The following TMEM266 variants were observed in gnomAD, a reference collection of about 807,000 sequenced individuals.
TMEM266 encodes the protein transmembrane protein 266.
A neutral mutation model predicts 50.5 loss-of-function variants in TMEM266; 33 were observed. That is an observed-to-expected ratio of 0.65 (90% confidence interval 0.50 to 0.87). The LOEUF is 0.87. Among genes scored for constraint, TMEM266 ranks in the 40% least tolerant of loss-of-function variants. The pLI is 0.00. For synonymous variants in TMEM266, 310 were observed against 292.3 expected, an observed-to-expected ratio of 1.06 and a Z score of -0.62; for missense variants, 655 against 695.1, an observed-to-expected ratio of 0.94 and a Z score of 0.65.
At position 76,183,097 on chromosome 15, in the gene TMEM266, T is replaced by C. The variant is rs543354875; in HGVS notation, c.768+7423T>C. Reference sequence around the variant, plus strand: ...CTCAGGCCTCCAGGCTGCTTCCATTTTGTGGCTTTTTTTTTTTTTTTTTTT... The same window carrying C: ...CTCAGGCCTCCAGGCTGCTTCCATTCTGTGGCTTTTTTTTTTTTTTTTTTT... On this transcript the variant is annotated intron_variant, in intron 8 of 10. Transcript: ENST00000388942. Among the ~76,000 whole-genome samples the C allele has an allele frequency of 9.4e-3, 1,304 of 138,252 alleles. 24 individuals carry two copies. Among genetic ancestry groups the C allele is most frequent in the African/African-American group, 0.033 (1,262 of 38,430 alleles). 90.7% of individuals were successfully genotyped at this position (138,252 alleles called of 152,430 possible).
chr15:76,129,892 G>C (rs777327561), intron 1 of TMEM266, among the ~76,000 whole-genome samples: 24 of 151,970 alleles, frequency 1.6e-4, no homozygotes, highest in Non-Finnish European at 3.1e-4. Flanking sequence ...CAGGACAAAT[G>C]GGGGAAATGT....
chr15:76,193,997 C>A (rs2038619525), intron 9 of TMEM266, among the ~76,000 whole-genome samples: 1 of 152,200 alleles, frequency 6.6e-6, no homozygotes, highest in African/African-American at 2.4e-5. Context: ...AAGCCCAGGG[C>A]AGAATGTTGA....
chr15:76,091,656 A>G (rs1056272393), intron 1 of TMEM266, among the ~76,000 whole-genome samples: 1 of 151,940 alleles, frequency 6.6e-6, no homozygotes, highest in Admixed American at 6.6e-5. Context: ...TCTACTTTCT[A>G]TAAGAAGTAG....
chr15:76,071,118 G>T (rs1221930209), intron 1 of TMEM266, among the ~76,000 whole-genome samples: 6 of 152,184 alleles, frequency 3.9e-5, no homozygotes, highest in Non-Finnish European at 2.9e-5. Context: ...TTCTGCAGAA[G>T]TTCCTGGGTA....
intron 9 of TMEM266, among the ~76,000 whole-genome samples, chr15:76,197,938 G>A (rs746596101): frequency 5.3e-5 from 8 of 152,242 alleles, no homozygotes; most frequent in East Asian, 1.9e-4. Context: ...CATTGGCACC[G>A]CTGCACTTGA....
At chr15:76,148,722 C>A (rs1301444339) in intron 3 of TMEM266, among the ~76,000 whole-genome samples, 2 of 19,882 alleles carry the variant, frequency 1.0e-4, no homozygotes, top group African/African-American at 4.2e-4. Context: ...TTTGTCCACC[C>A]CTTCACCCCC....
chr15:76,085,688 C>T (rs2036766476), intron 1 of TMEM266, among the ~76,000 whole-genome samples: 1 of 152,194 alleles, frequency 6.6e-6, no homozygotes. Context: ...CATACACCTA[C>T]CTGGCAGTTC....
chr15:76,098,821 G>T (rs1482080078), intron 1 of TMEM266, among the ~76,000 whole-genome samples: 6 of 150,396 alleles, frequency 4.0e-5, no homozygotes, highest in Non-Finnish European at 9.0e-5. Context: ...CAGCCTTGCT[G>T]AGCTGCAGTG....
chr15:76,121,277 T>C (rs962606079), intron 1 of TMEM266, among the ~76,000 whole-genome samples: 5 of 151,774 alleles, frequency 3.3e-5, no homozygotes, highest in Non-Finnish European at 7.4e-5. Flanking sequence ...CCAATATATG[T>C]GATGTAAAAT....
intron 9 of TMEM266, among the ~76,000 whole-genome samples, chr15:76,200,593 C>T (rs1343763351): frequency 6.6e-6 from 1 of 152,234 alleles, no homozygotes; most frequent in African/African-American, 2.4e-5. Context: ...ACATGGCCCT[C>T]TGGAGTCCCT....
chr15:76,138,072 A>G (rs2037618943), intron 3 of TMEM266, among the ~76,000 whole-genome samples, 177 bp downstream of exon 3: 1 of 152,066 alleles, frequency 6.6e-6, no homozygotes, highest in African/African-American at 2.4e-5. Flanking sequence ...AAATACAAAA[A>G]TTAGCCGAGT....
chr15:76,204,373 A>C lies in TMEM266; in HGVS notation c.*58A>C. On this transcript the variant is annotated 3_prime_UTR_variant, in exon 11 of 11. Transcript: ENST00000388942. ...ACAGCCATCTCAAAGCTCTCCTGGG[A>C]CCCTGGAGGCTGCCAAGGGCCACAC... 3 of 1,487,194 alleles carry C rather than the reference A, an allele frequency of 2.0e-6. No homozygotes were observed. Among genetic ancestry groups the C allele is most frequent in the Non-Finnish European group, 2.7e-6 (3 of 1,099,826 alleles). 92.1% of individuals were successfully genotyped at this position (1,487,194 alleles called of 1,614,324 possible).
intron 8 of TMEM266, among the ~76,000 whole-genome samples, chr15:76,190,993 C>G (rs1191223525): frequency 1.3e-5 from 2 of 152,196 alleles, no homozygotes; most frequent in African/African-American, 4.8e-5. Context: ...AGTGTCAGAC[C>G]TAAACTCCTC....
At chr15:76,171,257 C>T in intron 7 of TMEM266, 126 bp downstream of exon 7, 1 of 1,340,608 alleles carries the variant, frequency 7.5e-7, no homozygotes, top group African/African-American at 1.5e-5. Flanking sequence ...AAACTGTCGG[C>T]AGGGAGAGGG....
At chr15:76,183,103 CTTTTTTTTTT>C (rs71140199) in intron 8 of TMEM266, among the ~76,000 whole-genome samples, 16 of 44,168 alleles carry the variant, frequency 3.6e-4, no homozygotes, top group Middle Eastern at 0.036. Flanking sequence ...CATTTTGTGG[CTTTTTTTTTT>C]TTTTTTTTTT....
chr15:76,184,576 C>T (rs1236975809), intron 8 of TMEM266, among the ~76,000 whole-genome samples: 3 of 152,232 alleles, frequency 2.0e-5, no homozygotes, highest in African/African-American at 7.2e-5. Context: ...GCAGACAGCA[C>T]TAATAGGATG....
Position 76,161,252 on chromosome 15 carries a change from A to C in TMEM266, c.456+1084A>C, listed in dbSNP as rs1418169243. On this transcript the variant is annotated intron_variant, in intron 5 of 10. Transcript: ENST00000388942. This position sits in a 1 kb window ranked among gnomAD's most constrained non-coding sequence, Gnocchi z 4.1. ...AAGGCAGGAACGAGGGAGGCACAGCACCTGCTGGGAACATACGCACATCTC... is the reference window on the plus strand; with the variant it reads ...AAGGCAGGAACGAGGGAGGCACAGCCCCTGCTGGGAACATACGCACATCTC... 6.6e-6 allele frequency among the ~76,000 whole-genome samples: 1 copy of C among 152,112 alleles called. No homozygotes were observed. The highest frequency in any genetic ancestry group is 1.9e-4 in the East Asian group (1 of 5,186).
At chr15:76,187,120 C>A (rs2038499972) in intron 8 of TMEM266, among the ~76,000 whole-genome samples, 1 of 151,468 alleles carries the variant, frequency 6.6e-6, no homozygotes, top group Non-Finnish European at 1.5e-5. Flanking sequence ...AACATTGCCC[C>A]ACCATGGTTT....
intron 8 of TMEM266, among the ~76,000 whole-genome samples, chr15:76,189,791 G>A (rs1439707167): frequency 6.6e-6 from 1 of 152,180 alleles, no homozygotes; most frequent in Non-Finnish European, 1.5e-5. Context: ...GGTTAGGCAG[G>A]GACCTGGGGA....
Sources: gnomAD v4.1 joint callset for allele counts (sites outside exome capture counted in the v4.1 genomes callset) on GRCh38, gnomAD v4.1.1 for gene constraint, Gnocchi (gnomAD v3.1) non-coding constraint, MANE v1.5 for transcripts, NCBI Gene and HGNC (gene_info 2026-07-23, HGNC 2026-07-21) for gene names.